The following SHANK2 variants were observed in gnomAD, a reference collection of about 807,000 sequenced individuals.
The protein encoded by SHANK2 is SH3 and multiple ankyrin repeat domains protein 2.
A neutral mutation model predicts 133.7 loss-of-function variants in SHANK2; 43 were observed. The observed-to-expected ratio is 0.32, with a 90% CI of 0.25 to 0.41. The LOEUF (loss-of-function observed/expected upper bound fraction) is 0.41, where lower values mean the gene tolerates loss of function less well. Among genes scored for constraint, SHANK2 ranks in the 10% least tolerant of loss-of-function variants. SHANK2 has a pLI of 1.00. For synonymous variants in SHANK2, 1,017 were observed against 952.8 expected (o/e 1.07, Z -1.24); for missense variants, 1,994 against 2,235.8 (o/e 0.89, Z 2.18).
chr11:71,140,481 C>T (rs11602687), intron 3 of SHANK2, among the ~76,000 whole-genome samples: 15,833 of 152,270 alleles, frequency 0.1, 1,047 homozygotes, highest in Middle Eastern at 0.14. Flanking sequence ...AGGCAGGGTC[C>T]GGCCGGGTGT....
At chr11:70,513,754 A>G (rs538980151) in intron 17 of SHANK2, among the ~76,000 whole-genome samples, 1 of 152,396 alleles carries the variant, frequency 6.6e-6, no homozygotes, top group Admixed American at 6.5e-5. Flanking sequence ...TAACATCAGC[A>G]TGGATATGAC....
At chr11:71,081,573 G>T (rs1951301902) in intron 8 of SHANK2, among the ~76,000 whole-genome samples, 1 of 152,144 alleles carries the variant, frequency 6.6e-6, no homozygotes, top group Non-Finnish European at 1.5e-5. Context: ...GTGGGGTGCT[G>T]GTCTCGGGGT....
At position 70,535,923 on chromosome 11, in the gene SHANK2, C is replaced by T. The variant is rs1554974116; in HGVS notation, c.2062-32992G>A. Among the ~76,000 whole-genome samples, 1 of 152,230 alleles carries T rather than the reference C, an allele frequency of 6.6e-6. No individual in the cohort carries two copies. The highest frequency in any genetic ancestry group is 1.5e-5 in the Non-Finnish European group (1 of 68,028). ...CGGAGACCCCAGGAAAGGCACATAG[C>T]CCAGAATGGACATGTGGCTCACCCG... On this transcript the variant is annotated intron_variant, in intron 17 of 25. Coordinates refer to ENST00000601538, the MANE Select transcript of SHANK2 (RefSeq NM_012309.5). This position sits in a 1 kb window ranked among gnomAD's most constrained non-coding sequence, Gnocchi z 4.3.
intron 17 of SHANK2, among the ~76,000 whole-genome samples, chr11:70,631,388 A>ACACACC (rs879967357): frequency 1.6e-3 from 235 of 148,114 alleles, no homozygotes; most frequent in Non-Finnish European, 2.4e-3. Flanking sequence ...ACACACACAC[A>ACACACC]CACACACACA....
chr11:70,573,549 CGG>C (rs544869059), intron 17 of SHANK2, among the ~76,000 whole-genome samples: 3 of 104,998 alleles, frequency 2.9e-5, no homozygotes, highest in African/African-American at 7.1e-5. Context: ...TGTGTGGGGG[CGG>C]GGGGGGGGTG....
intron 2 of SHANK2, among the ~76,000 whole-genome samples, chr11:71,174,304 C>G (rs941134347): frequency 2.6e-5 from 4 of 152,156 alleles, no homozygotes; most frequent in South Asian, 2.1e-4. Flanking sequence ...CTTCGAGAGG[C>G]TGAGGCGGGA....
chr11:70,540,555 C>T (rs1051067512), intron 17 of SHANK2, among the ~76,000 whole-genome samples: 1 of 151,858 alleles, frequency 6.6e-6, no homozygotes, highest in African/African-American at 2.4e-5. Flanking sequence ...CGATTAGCGA[C>T]GGGGGGTGAG....
At chr11:70,636,743 T>C (rs76128414) in intron 17 of SHANK2, among the ~76,000 whole-genome samples, 294 of 24,262 alleles carry the variant, frequency 0.012, 3 homozygotes, top group African/African-American at 0.042. Flanking sequence ...TGAATATGTG[T>C]GAGCATGTGT....
At chr11:70,707,577 C>G (rs1555025235) in intron 14 of SHANK2, among the ~76,000 whole-genome samples, 2 of 152,124 alleles carry the variant, frequency 1.3e-5, no homozygotes, top group Non-Finnish European at 2.9e-5. Flanking sequence ...GAGCTTAAAT[C>G]TCTCGCTAGC....
At chr11:70,564,867 T>A (rs971555079) in intron 17 of SHANK2, among the ~76,000 whole-genome samples, 2 of 152,220 alleles carry the variant, frequency 1.3e-5, no homozygotes, top group Non-Finnish European at 2.9e-5. Context: ...TATGCTAAAA[T>A]ATATACAACA....
At chr11:70,848,817 A>T (rs1949039857) in intron 11 of SHANK2, among the ~76,000 whole-genome samples, 1 of 152,222 alleles carries the variant, frequency 6.6e-6, no homozygotes, top group Admixed American at 6.5e-5. Flanking sequence ...TCTTAATTAC[A>T]GAATGGGAGA....
chr11:70,757,481 G>T (rs782257055), intron 14 of SHANK2, among the ~76,000 whole-genome samples: 5 of 152,260 alleles, frequency 3.3e-5, no homozygotes, highest in Non-Finnish European at 7.3e-5. Context: ...CTCCCATGGC[G>T]TGTTGAGCCA....
Position 70,659,735 on chromosome 11 carries a change from T to C in SHANK2, c.2061+93A>G. On this transcript the variant is annotated intron_variant, in intron 17 of 25. Coordinates refer to ENST00000601538, the MANE Select transcript of SHANK2 (RefSeq NM_012309.5). ...GCAGCCTCCACAAGCACCCCCAGACTGGGCCTCGTGGCTGTGCTGCCAGGA... is the reference window on the plus strand; with the variant it reads ...GCAGCCTCCACAAGCACCCCCAGACCGGGCCTCGTGGCTGTGCTGCCAGGA... The C allele has an allele frequency of 2.0e-6, 3 of 1,509,038 alleles. No individual in the cohort carries two copies. The Middle Eastern group carries it at 5.1e-4, about 256-fold the overall frequency. The allele number at this position is 1,509,038 out of a possible 1,614,324, so 93.5% of individuals were successfully genotyped here. A position where few individuals can be genotyped will look rare whatever the true frequency, so the allele number is the denominator to read the frequency against.
intron 10 of SHANK2, among the ~76,000 whole-genome samples, chr11:70,912,394 G>A (rs1412753834): frequency 6.6e-6 from 1 of 152,070 alleles, no homozygotes; most frequent in African/African-American, 2.4e-5. Context: ...GTTGTGGGAG[G>A]GACCCGGGGA....
chr11:71,113,888 C>T (rs1388976600), intron 4 of SHANK2, among the ~76,000 whole-genome samples: 4 of 152,248 alleles, frequency 2.6e-5, no homozygotes, highest in East Asian at 1.9e-4. Flanking sequence ...CAAACAGCAG[C>T]GCCTCCTTTG....
At chr11:70,488,369 C>A (rs574859510) in intron 24 of SHANK2, among the ~76,000 whole-genome samples, 35 of 152,316 alleles carry the variant, frequency 2.3e-4, no homozygotes, top group African/African-American at 8.2e-4. Context: ...CCTCTGCCAC[C>A]CTGAGCGAAG....
At chr11:70,608,241 T>G (rs1437870083) in intron 17 of SHANK2, among the ~76,000 whole-genome samples, 5 of 152,170 alleles carry the variant, frequency 3.3e-5, no homozygotes, top group African/African-American at 1.2e-4. Flanking sequence ...CCAAAGTGCT[T>G]GGATTGTGGG....
At chr11:71,187,460 G>A (rs1258882238) in intron 2 of SHANK2, among the ~76,000 whole-genome samples, 1 of 151,888 alleles carries the variant, frequency 6.6e-6, no homozygotes, top group Non-Finnish European at 1.5e-5. Context: ...TTTTATTCAG[G>A]ACACTTCATG....
In SHANK2 at chr11:71,101,232, C is replaced by A. The variant is rs187797086; in HGVS notation, c.593-6544G>T. Among the ~76,000 whole-genome samples, 30 of 152,306 alleles carry A rather than the reference C, an allele frequency of 2.0e-4. 1 individual carries two copies. The highest frequency in any genetic ancestry group is 1.2e-3 in the South Asian group (6 of 4,822). On this transcript the variant is annotated intron_variant, in intron 6 of 25. Coordinates refer to ENST00000601538, the MANE Select transcript of SHANK2 (RefSeq NM_012309.5). ...TCTGTCCCCGACCCCAAGACAGGCT[C>A]CTGTGGACCCTGGCCCCTGCCTCCG...
Sources: allele counts gnomAD v4.1 joint callset (sites outside exome capture counted in the v4.1 genomes callset), GRCh38; gene constraint gnomAD v4.1.1; non-coding constraint Gnocchi (gnomAD v3.1); transcripts MANE v1.5; gene names NCBI Gene and HGNC (gene_info 2026-07-23, HGNC 2026-07-21).